The following FANCC variants were observed in gnomAD, a reference collection of about 807,000 sequenced individuals.
FANCC encodes Fanconi anemia group C protein.
Under a neutral mutation model 71.3 loss-of-function variants are expected in FANCC, and 55 were observed. That is an observed-to-expected ratio of 0.77 (90% CI 0.62 to 0.97). The LOEUF (loss-of-function observed/expected upper bound fraction) is 0.97. Ranked by LOEUF, FANCC falls within the 50% of genes least tolerant of loss-of-function variation. FANCC has a pLI of 0.00. For synonymous variants in FANCC, 275 were observed against 244.9 expected, an observed-to-expected ratio of 1.12 and a Z score of -1.15; for missense variants, 678 against 670.9, an observed-to-expected ratio of 1.01 and a Z score of -0.12.
At chr9:95,215,649 T>C (rs1828818923) in intron 4 of FANCC, among the ~76,000 whole-genome samples, 1 of 152,228 alleles carries the variant, frequency 6.6e-6, no homozygotes, top group African/African-American at 2.4e-5. Context: ...ATGTAGCTTC[T>C]GCCTGGTTCT....
At chr9:95,288,734 T>G in intron 1 of FANCC, among the ~76,000 whole-genome samples, 1 of 151,226 alleles carries the variant, frequency 6.6e-6, no homozygotes, top group East Asian at 1.9e-4. Context: ...ATAGGGCATT[T>G]CACTTTTTTT....
chr9:95,184,337 T>A (rs356675), intron 4 of FANCC, among the ~76,000 whole-genome samples: 28,940 of 151,976 alleles, frequency 0.19, 2,900 homozygotes, highest in East Asian at 0.3. Flanking sequence ...CCAATTTTCT[T>A]ACAACACAAT....
chr9:95,231,505 G>T (rs1328345145), intron 4 of FANCC, among the ~76,000 whole-genome samples: 1 of 152,098 alleles, frequency 6.6e-6, no homozygotes, highest in African/African-American at 2.4e-5. Flanking sequence ...CTCCAGCAGG[G>T]ACTCTGGTCT....
chr9:95,135,282 TAAAAG>T, intron 8 of FANCC, 59 bp downstream of exon 8: 5 of 1,513,592 alleles, frequency 3.3e-6, no homozygotes, highest in Non-Finnish European at 3.7e-6. Context: ...ATTCTCTGAC[TAAAAG>T]AAATGATTCC....
chr9:95,169,743 T>C (rs559535996), intron 6 of FANCC, among the ~76,000 whole-genome samples: 1 of 152,360 alleles, frequency 6.6e-6, no homozygotes, highest in South Asian at 2.1e-4. Context: ...CTCACTATAA[T>C]TTTTTGGGAT....
At chr9:95,284,259 A>G (rs1833540773) in intron 1 of FANCC, among the ~76,000 whole-genome samples, 1 of 152,142 alleles carries the variant, frequency 6.6e-6, no homozygotes, top group Admixed American at 6.6e-5. Flanking sequence ...GAAAGCCCCA[A>G]AGTTGTTTAC....
chr9:95,248,416 C>T (rs867159329), intron 2 of FANCC, among the ~76,000 whole-genome samples: 5 of 152,038 alleles, frequency 3.3e-5, no homozygotes, highest in African/African-American at 1.2e-4. Flanking sequence ...TGTATCTTTC[C>T]TTATAGTTTC....
chr9:95,269,278 G>A (rs919437030), intron 1 of FANCC, among the ~76,000 whole-genome samples: 6 of 152,202 alleles, frequency 3.9e-5, no homozygotes, highest in African/African-American at 1.4e-4. Flanking sequence ...TAGTCCTAAA[G>A]GGTCTGGGAA....
At chr9:95,238,066 G>A (rs1348395983) in intron 4 of FANCC, among the ~76,000 whole-genome samples, 1 of 152,120 alleles carries the variant, frequency 6.6e-6, no homozygotes, top group Non-Finnish European at 1.5e-5. Flanking sequence ...CTCATTCTCC[G>A]TTGCTTCTCT....
intron 1 of FANCC, among the ~76,000 whole-genome samples, chr9:95,279,641 G>A (rs1161756610): frequency 6.6e-6 from 1 of 152,106 alleles, no homozygotes; most frequent in Admixed American, 6.5e-5. Context: ...TATCATGGAT[G>A]TGAGTGGAAT....
chr9:95,198,710 T>C (rs1588267793), intron 4 of FANCC, among the ~76,000 whole-genome samples: 1 of 152,156 alleles, frequency 6.6e-6, no homozygotes, highest in Admixed American at 6.5e-5. Flanking sequence ...ACTGGAAATG[T>C]ACATTATCTT....
In FANCC at chr9:95,101,770, A is replaced by C; in HGVS notation, c.1614T>G (p.Ile538Met). 1 of 1,614,134 alleles carries C rather than the reference A, an allele frequency of 6.2e-7. No individual in the cohort carries two copies. The highest frequency in any genetic ancestry group is 8.5e-7 in the Non-Finnish European group (1 of 1,180,028). ...CCAGTTTTTCTGATCTAGGGCTTTC[A>C]ATGCCAAGACGATTCCATCTGTACA... is the stretch of plus-strand genomic sequence containing the variant. ...QTLYRWNRLGIESPRSEKLAR... is the reference protein window; with the variant it reads ...QTLYRWNRLGMESPRSEKLAR... The change falls in exon 15 of 15, where the codon ATT (isoleucine) becomes ATG (methionine). Residue 538 changes from isoleucine to methionine, a missense_variant. Physicochemically the swap from Ile to Met is conservative, Grantham distance 10. Coordinates refer to ENST00000289081, the MANE Select transcript of FANCC (RefSeq NM_000136.3).
chr9:95,139,505 T>G (rs996898773), intron 7 of FANCC, among the ~76,000 whole-genome samples: 2 of 152,100 alleles, frequency 1.3e-5, no homozygotes, highest in Non-Finnish European at 2.9e-5. Context: ...CTATAAACAC[T>G]GCAGTGTGCA....
chr9:95,135,260 T>TC, intron 8 of FANCC, 86 bp downstream of exon 8: 17 of 1,311,186 alleles, frequency 1.3e-5, no homozygotes, highest in Non-Finnish European at 1.7e-5. Context: ...TTTGTTTACA[T>TC]CCCCCCCTTT....
intron 4 of FANCC, among the ~76,000 whole-genome samples, chr9:95,223,676 C>T (rs1829424794): frequency 6.6e-6 from 1 of 152,134 alleles, no homozygotes; most frequent in South Asian, 2.1e-4. Context: ...CAAACCATTC[C>T]ATAGAAGTAA....
At chr9:95,233,351 C>T (rs1186877943) in intron 4 of FANCC, among the ~76,000 whole-genome samples, 1 of 152,158 alleles carries the variant, frequency 6.6e-6, no homozygotes, top group Non-Finnish European at 1.5e-5. Context: ...CATCCCTGGC[C>T]TCATCTCTGA....
intron 3 of FANCC, among the ~76,000 whole-genome samples, chr9:95,245,800 G>A (rs556652955): frequency 5.9e-5 from 9 of 151,866 alleles, no homozygotes; most frequent in Admixed American, 5.9e-4. Context: ...GGGAGGCTGA[G>A]GCAGGAGAAT....
intron 1 of FANCC, chr9:95,292,835 T>C (rs1834132588): frequency 6.3e-7 from 1 of 1,584,610 alleles, no homozygotes. Flanking sequence ...AGCACAAATG[T>C]AGCAAGTGCA....
At chr9:95,243,615 T>C (rs1220225881) in intron 3 of FANCC, among the ~76,000 whole-genome samples, 1 of 150,692 alleles carries the variant, frequency 6.6e-6, no homozygotes, top group Non-Finnish European at 1.5e-5. Flanking sequence ...AAACCCCATC[T>C]CTACTAAAAA....
Sources: allele counts gnomAD v4.1 joint callset (sites outside exome capture counted in the v4.1 genomes callset), GRCh38; gene constraint gnomAD v4.1.1; transcripts MANE v1.5; gene names NCBI Gene and HGNC (gene_info 2026-07-23, HGNC 2026-07-21).